The following WWOX variants were observed in gnomAD, a reference collection of about 807,000 sequenced individuals.
The protein encoded by WWOX is WW domain containing oxidoreductase.
In WWOX, 69 loss-of-function variants were observed where a neutral mutation model predicts 46.2. The observed-to-expected ratio is 1.49, with a 90% confidence interval of 1.23 to 1.82. The LOEUF (loss-of-function observed/expected upper bound fraction) is 1.82. WWOX is among the 40% of genes most tolerant of loss of function. The pLI is 0.00. For synonymous variants in WWOX, 359 were observed against 202.6 expected (o/e 1.77, Z -6.56); for missense variants, 919 against 542.6 (o/e 1.69, Z -6.89).
chr16:78,455,160 T>G (rs1567583466), intron 8 of WWOX, among the ~76,000 whole-genome samples: 2 of 152,146 alleles, frequency 1.3e-5, no homozygotes, highest in African/African-American at 4.8e-5. Flanking sequence ...CAGATAAAGT[T>G]GCAGAACAGA....
chr16:78,517,072 T>C (rs924571503), intron 8 of WWOX, among the ~76,000 whole-genome samples: 1 of 152,230 alleles, frequency 6.6e-6, no homozygotes, highest in Admixed American at 6.5e-5. Context: ...TATGAAAAAG[T>C]CTTCCATGTG....
chr16:78,171,324 G>C (rs1461241781), intron 5 of WWOX, among the ~76,000 whole-genome samples: 1 of 152,120 alleles, frequency 6.6e-6, no homozygotes, highest in Non-Finnish European at 1.5e-5. Context: ...CCTACTTTTA[G>C]GCTCCTTAAA....
intron 5 of WWOX, among the ~76,000 whole-genome samples, chr16:78,211,034 G>A (rs1352370418): frequency 6.6e-6 from 1 of 152,134 alleles, no homozygotes; most frequent in Non-Finnish European, 1.5e-5. Context: ...AGTAACTGGA[G>A]GCATTTTTAG....
intron 8 of WWOX, among the ~76,000 whole-genome samples, chr16:78,641,556 T>C (rs2046711478): frequency 6.6e-6 from 1 of 152,152 alleles, no homozygotes; most frequent in Non-Finnish European, 1.5e-5. Flanking sequence ...AGCTCATTCA[T>C]TCTGCTGGCC....
At chr16:78,101,658 CCCTT>C (rs1194261786) in intron 1 of WWOX, among the ~76,000 whole-genome samples, 4 of 152,136 alleles carry the variant, frequency 2.6e-5, no homozygotes, top group Non-Finnish European at 5.9e-5. Context: ...CCTCCCCTCT[CCCTT>C]GGTAGGTTGT....
chr16:78,164,991 A>G (rs765878873), intron 5 of WWOX, among the ~76,000 whole-genome samples: 3 of 152,232 alleles, frequency 2.0e-5, no homozygotes, highest in African/African-American at 4.8e-5. Flanking sequence ...TGTCAAGAGA[A>G]GTATTCTCTT....
chr16:79,166,511 C>G (rs1356899081), intron 8 of WWOX, among the ~76,000 whole-genome samples: 2 of 152,112 alleles, frequency 1.3e-5, no homozygotes, highest in African/African-American at 4.8e-5. Context: ...CCACACCATA[C>G]GGGCAGTAGT....
chr16:78,918,563 G>C lies in WWOX; in HGVS notation c.1057-293045G>C, dbSNP rs557014650. ...GTTAAGAAAACTTTTTCTTCTTTCC[G>C]AGACAGGCTGCAAAATGCTTGTTAC... On this transcript the variant is annotated intron_variant, in intron 8 of 8. Transcript: ENST00000566780. Among the ~76,000 whole-genome samples, 5 of 152,236 alleles carry C rather than the reference G, an allele frequency of 3.3e-5. No homozygotes were observed. In the East Asian group the frequency reaches 7.7e-4, roughly 24 times the overall value.
chr16:78,842,418 G>C (rs2052178984), intron 8 of WWOX, among the ~76,000 whole-genome samples: 1 of 151,966 alleles, frequency 6.6e-6, no homozygotes, highest in African/African-American at 2.4e-5. Flanking sequence ...TGGGAGAATT[G>C]CTTGAGGCTG....
chr16:78,641,046 A>G (rs2046695912), intron 8 of WWOX, among the ~76,000 whole-genome samples: 1 of 152,134 alleles, frequency 6.6e-6, no homozygotes, highest in Admixed American at 6.6e-5. Context: ...ACTGAGCATT[A>G]CTGTAACATA....
chr16:79,104,647 C>T (rs1005494164), intron 8 of WWOX, among the ~76,000 whole-genome samples: 2 of 152,132 alleles, frequency 1.3e-5, no homozygotes, highest in African/African-American at 4.8e-5. Flanking sequence ...ACCTTTGTGT[C>T]TCCTTGCATT....
At chr16:78,268,330 G>A (rs2079409517) in intron 5 of WWOX, among the ~76,000 whole-genome samples, 1 of 152,108 alleles carries the variant, frequency 6.6e-6, no homozygotes, top group Non-Finnish European at 1.5e-5. Flanking sequence ...TCAGATCTCT[G>A]CAATGTGTTT....
intron 8 of WWOX, among the ~76,000 whole-genome samples, chr16:79,067,698 C>T (rs2048468405): frequency 6.6e-6 from 1 of 152,082 alleles, no homozygotes. Context: ...GTTGGTCTTT[C>T]CCGCAAGAAG....
At chr16:78,704,075 T>C (rs2142303563) in intron 8 of WWOX, among the ~76,000 whole-genome samples, 1 of 152,116 alleles carries the variant, frequency 6.6e-6, no homozygotes. Context: ...CAGCCATCTG[T>C]TTCAATTCAC....
At chr16:78,473,589 G>C (rs1179505650) in intron 8 of WWOX, among the ~76,000 whole-genome samples, 1 of 145,110 alleles carries the variant, frequency 6.9e-6, no homozygotes, top group South Asian at 2.1e-4. Flanking sequence ...TGATTCAGGG[G>C]AGATTGTTGT....
intron 8 of WWOX, among the ~76,000 whole-genome samples, chr16:79,090,506 C>T (rs1432319777): frequency 6.6e-6 from 1 of 151,926 alleles, no homozygotes; most frequent in South Asian, 2.1e-4. Flanking sequence ...GGGAAAGAGA[C>T]GTGAAAGAAA....
intron 5 of WWOX, among the ~76,000 whole-genome samples, chr16:78,351,573 G>T (rs71396174): frequency 0.025 from 3,790 of 152,268 alleles, 61 homozygotes; most frequent in African/African-American, 0.033. Flanking sequence ...ATTCACGGAT[G>T]GCATGGATCC....
intron 8 of WWOX, among the ~76,000 whole-genome samples, chr16:78,571,483 A>G (rs927183818): frequency 6.6e-6 from 1 of 152,196 alleles, no homozygotes; most frequent in Non-Finnish European, 1.5e-5. Flanking sequence ...CCAACTTGAC[A>G]TGTGGATTTT....
intron 8 of WWOX, among the ~76,000 whole-genome samples, chr16:78,872,102 A>G (rs995633772): frequency 2.0e-5 from 3 of 152,194 alleles, no homozygotes; most frequent in African/African-American, 7.2e-5. Context: ...TTCCACTTCT[A>G]ATGAGGAATT....
Sources: allele counts gnomAD v4.1 joint callset (sites outside exome capture counted in the v4.1 genomes callset), GRCh38; gene constraint gnomAD v4.1.1; transcripts MANE v1.5; gene names NCBI Gene and HGNC (gene_info 2026-07-23, HGNC 2026-07-21).